XRCC3: variants seen among roughly 807,000 people sequenced by gnomAD.
XRCC3 encodes DNA repair protein XRCC3.
Under a neutral mutation model 29.2 loss-of-function variants are expected in XRCC3, and 34 were observed. The observed-to-expected ratio is 1.16, with a 90% CI of 0.88 to 1.55. XRCC3 has a LOEUF of 1.55. XRCC3 is among the 40% of genes most tolerant of loss of function. The pLI is 0.00. For synonymous variants in XRCC3, 223 were observed against 211.3 expected (o/e 1.06, Z -0.48); for missense variants, 463 against 467.6 (o/e 0.99, Z 0.09).
At chr14:103,703,376 G>A (rs2151932057) in intron 6 of XRCC3, 49 bp from the exon 7 acceptor site, 2 of 1,522,256 alleles carry the variant, frequency 1.3e-6, no homozygotes, top group Non-Finnish European at 1.8e-6. Flanking sequence ...AGACGGGCCT[G>A]TGACTGCCAC....
intron 3 of XRCC3, 66 bp downstream of exon 3, chr14:103,711,400 C>A: frequency 1.7e-6 from 1 of 583,790 alleles, no homozygotes; most frequent in Non-Finnish European, 3.2e-6. Context: ...CCACATTTAC[C>A]TCCTGTGGAA....
At chr14:103,701,670 C>A (rs536628775) in intron 7 of XRCC3, 1 of 153,532 alleles carries the variant, frequency 6.5e-6, no homozygotes, top group African/African-American at 2.4e-5. Flanking sequence ...GTCAGGAGAT[C>A]GAGACCATCC....
chr14:103,704,701 T>G (rs1243247426), intron 6 of XRCC3: 1 of 152,228 alleles, frequency 6.6e-6, no homozygotes, highest in Non-Finnish European at 1.5e-5. Context: ...CATGAGGTAC[T>G]GCGCCTATCA....
chr14:103,708,050 G>C (rs774007268), intron 5 of XRCC3: 1 of 258,800 alleles, frequency 3.9e-6, no homozygotes, highest in Non-Finnish European at 7.6e-6. Flanking sequence ...CCAGGACCCC[G>C]CTGCCTACTA....
intron 5 of XRCC3, chr14:103,707,781 G>A (rs2083487804): frequency 9.9e-6 from 2 of 201,236 alleles, no homozygotes; most frequent in African/African-American, 2.4e-5. Flanking sequence ...GCTCAAGGTG[G>A]GACATGCGGT....
At chr14:103,706,135 C>T in intron 6 of XRCC3, 1 of 354,334 alleles carries the variant, frequency 2.8e-6, no homozygotes, top group Non-Finnish European at 5.6e-6. Context: ...GCTCAGGAGA[C>T]CCCTCACCCT....
At chr14:103,710,756 TAA>T (rs1290613099) in intron 4 of XRCC3, 5 of 407,298 alleles carry the variant, frequency 1.2e-5, no homozygotes, top group Non-Finnish European at 2.2e-5. Flanking sequence ...AAAAAAAAAC[TAA>T]AAGACTTTAT....
In XRCC3 at chr14:103,699,265, G is replaced by T. The variant is rs938878023; in HGVS notation, c.775-86C>A. The T allele has an allele frequency of 2.6e-6, 4 of 1,539,606 alleles. No homozygotes were observed. In the African/African-American group the frequency reaches 5.5e-5, roughly 21 times the overall value. ...AGGCTGCTACCCGCAGGAGCCGGAG[G>T]CCACCTCACTGCCACCCGCCCCACC... On this transcript the variant is annotated intron_variant, in intron 8 of 9. Coordinates refer to ENST00000555055, the MANE Select transcript of XRCC3 (RefSeq NM_005432.4).
At chr14:103,707,358 T>G (rs1595668002) in intron 5 of XRCC3, 143 bp from the exon 6 acceptor site, 1 of 1,049,826 alleles carries the variant, frequency 9.5e-7, no homozygotes, top group Non-Finnish European at 1.4e-6. Flanking sequence ...GTGAGCAAGG[T>G]GCTGAGGGCA....
chr14:103,703,755 G>A (rs2083327241), intron 6 of XRCC3: 2 of 280,128 alleles, frequency 7.1e-6, no homozygotes, highest in South Asian at 3.7e-5. Flanking sequence ...CCACCCTCAA[G>A]GCCCCCACTG....
chr14:103,708,515 C>T lies in XRCC3; in HGVS notation c.193+7G>A. ...CACCCCTGGCAGAGATGCCAGGGCCCACCTACCTGTAAGGATGCTGCTTCC... is the reference window on the plus strand; with the variant it reads ...CACCCCTGGCAGAGATGCCAGGGCCTACCTACCTGTAAGGATGCTGCTTCC... On this transcript the variant is annotated splice_region_variant and intron_variant, in intron 5 of 9. Transcript: ENST00000555055. The T allele has an allele frequency of 6.2e-7, 1 of 1,613,714 alleles. No homozygotes were observed. The highest frequency in any genetic ancestry group is 1.1e-5 in the South Asian group (1 of 91,076).
In XRCC3 at chr14:103,708,573, G is replaced by T; in HGVS notation, c.142C>A (p.His48Asn). Reference sequence around the variant, plus strand: ...TGTAAGGAGGCCGTTCTCAGCAAGTGCCAGACCTCGGGGCTGGAGAGGTTG... The same window carrying T: ...TGTAAGGAGGCCGTTCTCAGCAAGTTCCAGACCTCGGGGCTGGAGAGGTTG... ...LTNLSSPEVW[H>N]LLRTASLHLR... The change falls in exon 5 of 10, where the codon CAC becomes AAC. Residue 48 changes from histidine to asparagine, a missense_variant. His to Asn is a moderately conservative substitution (Grantham distance 68, BLOSUM62 1). Coordinates refer to ENST00000555055, the MANE Select transcript of XRCC3 (RefSeq NM_005432.4). The T allele has an allele frequency of 6.2e-7, 1 of 1,614,112 alleles. No individual in the cohort carries two copies. Among genetic ancestry groups the T allele is most frequent in the Non-Finnish European group, 8.5e-7 (1 of 1,180,016 alleles).
chr14:103,708,883 C>A (rs1424660808), intron 4 of XRCC3: 1 of 569,814 alleles, frequency 1.8e-6, no homozygotes, highest in South Asian at 1.8e-5. Context: ...GCCCTGAGTC[C>A]TGGCACTCGG....
chr14:103,707,167 C>A lies in XRCC3; in HGVS notation c.242G>T (p.Arg81Leu). ...QKERFPTQHQRLSLGCPVLDA... is the reference protein window; with the variant it reads ...QKERFPTQHQLLSLGCPVLDA... ...CAGCACCGGGCAGCCCAGGCTCAGGCGCTGGTGCTGCGTGGGGAACCGCTC... is the reference window on the plus strand; with the variant it reads ...CAGCACCGGGCAGCCCAGGCTCAGGAGCTGGTGCTGCGTGGGGAACCGCTC... Residue 81 changes from arginine to leucine, a missense_variant, in exon 6 of 10, where the codon CGC becomes CTC. Arg to Leu is a moderately radical substitution (Grantham distance 102). Coordinates refer to ENST00000555055, the MANE Select transcript of XRCC3 (RefSeq NM_005432.4). 6.5e-7 allele frequency: 1 copy of A among 1,549,522 alleles called. No homozygotes were observed. The highest frequency in any genetic ancestry group is 1.9e-4 in the Middle Eastern group (1 of 5,322).
At chr14:103,703,700 C>A in intron 6 of XRCC3, 1 of 323,264 alleles carries the variant, frequency 3.1e-6, no homozygotes, top group South Asian at 2.9e-5. Flanking sequence ...GTGGCAGCAT[C>A]AGGGCAACGC....
chr14:103,708,312 T>C (rs999265877), intron 5 of XRCC3: 2 of 699,474 alleles, frequency 2.9e-6, no homozygotes, highest in African/African-American at 3.5e-5. Flanking sequence ...CCACAGCCCG[T>C]GTCCACCTCA....
At chr14:103,707,658 T>A in intron 5 of XRCC3, 1 of 269,312 alleles carries the variant, frequency 3.7e-6, no homozygotes, top group South Asian at 4.1e-5. Context: ...CCGTCAGTTC[T>A]CTGTGACAGA....
In XRCC3 at chr14:103,699,131, A is replaced by AC; in HGVS notation, c.821+1dup. The AC allele has an allele frequency of 2.5e-6, 4 of 1,572,714 alleles. No homozygotes were observed. Among genetic ancestry groups the AC allele is most frequent in the Non-Finnish European group, 3.4e-6 (4 of 1,160,474 alleles). On this transcript the variant is annotated splice_donor_variant, in intron 9 of 9. Coordinates refer to ENST00000555055, the MANE Select transcript of XRCC3 (RefSeq NM_005432.4). LOFTEE classifies it high-confidence loss of function. ...GTGCACACACCACATGGCTGCACTC[A>AC]CCCCAGCGGCCCGTGTGCTGCGCCC...
Position 103,699,359 on chromosome 14 carries a change from C to A in XRCC3, c.774+5G>T. ...TCAGGGGTGCAACCCTGCCTTGGTG[C>A]TCACCTGGTTGATGCACAGCACAGG... On this transcript the variant is annotated splice_donor_5th_base_variant and intron_variant, in intron 8 of 9. Coordinates refer to ENST00000555055, the MANE Select transcript of XRCC3 (RefSeq NM_005432.4). 1 of 1,599,884 alleles carries A rather than the reference C, an allele frequency of 6.3e-7. No homozygotes were observed. The highest frequency in any genetic ancestry group is 8.5e-7 in the Non-Finnish European group (1 of 1,174,162).
Sources: gnomAD v4.1 joint callset for allele counts on GRCh38, gnomAD v4.1.1 for gene constraint, MANE v1.5 for transcripts, NCBI Gene and HGNC (gene_info 2026-07-23, HGNC 2026-07-21) for gene names.